The following TNFSF4 variants were observed in gnomAD, a reference collection of about 807,000 sequenced individuals.
TNFSF4 encodes TNF superfamily member 4, also known as tumor necrosis factor ligand superfamily member 4.
In TNFSF4, 4 loss-of-function variants were observed where a neutral mutation model predicts 7.3. The ratio of observed to expected loss-of-function variants is 0.55; its 90% confidence interval spans 0.27 to 1.25. The LOEUF is 1.25. Among genes scored for constraint, TNFSF4 ranks in the 50% most tolerant of loss-of-function variants. TNFSF4 has a pLI of 0.12. For synonymous variants in TNFSF4, 76 were observed against 83.7 expected (o/e 0.91, Z 0.50); for missense variants, 181 against 208.8 (o/e 0.87, Z 0.82).
the TNFSF4 span, among the ~76,000 whole-genome samples, chr1:173,391,880 A>G: frequency 6.6e-6 from 1 of 152,234 alleles, no homozygotes; most frequent in African/African-American, 2.4e-5. Flanking sequence ...AAAAATAAAA[A>G]GCAGGACCTT....
chr1:173,398,170 C>T, the TNFSF4 span, among the ~76,000 whole-genome samples: 1 of 152,166 alleles, frequency 6.6e-6, no homozygotes. Flanking sequence ...AGCCCTTTGT[C>T]ATACATAACT....
At chr1:173,195,689 G>A (rs1440117658) in intron 1 of TNFSF4, among the ~76,000 whole-genome samples, 5 of 152,196 alleles carry the variant, frequency 3.3e-5, no homozygotes, top group Admixed American at 6.5e-5. Context: ...ATTTGTCCTG[G>A]TGAAGGGTAT....
At chr1:173,391,555 T>C in the TNFSF4 span, among the ~76,000 whole-genome samples, 3 of 150,738 alleles carry the variant, frequency 2.0e-5, no homozygotes, top group Non-Finnish European at 4.4e-5. Context: ...TGACACTGAA[T>C]CCACTGTGAC....
the TNFSF4 span, among the ~76,000 whole-genome samples, chr1:173,442,559 T>TG: frequency 1.4e-5 from 2 of 144,296 alleles, no homozygotes; most frequent in Non-Finnish European, 3.1e-5. Flanking sequence ...TTGTTTTTTT[T>TG]TTTTTTTTGA....
the TNFSF4 span, among the ~76,000 whole-genome samples, chr1:173,277,725 C>T: frequency 1.3e-5 from 2 of 152,070 alleles, no homozygotes; most frequent in African/African-American, 4.8e-5. Flanking sequence ...ATGTATCAGG[C>T]ACATTGGGTG....
the TNFSF4 span, among the ~76,000 whole-genome samples, chr1:173,254,971 A>G: frequency 6.6e-6 from 1 of 152,202 alleles, no homozygotes; most frequent in African/African-American, 2.4e-5. Flanking sequence ...CACATTAAAG[A>G]CACCTTAGAA....
At chr1:173,421,572 T>C in the TNFSF4 span, among the ~76,000 whole-genome samples, 240 of 152,184 alleles carry the variant, frequency 1.6e-3, 1 homozygote, top group Non-Finnish European at 2.6e-3. Context: ...CTCAACTAAA[T>C]AGAAGAAAAG....
chr1:173,322,658 G>A, the TNFSF4 span, among the ~76,000 whole-genome samples: 89 of 152,194 alleles, frequency 5.8e-4, no homozygotes, highest in Non-Finnish European at 1.1e-3. Flanking sequence ...GGTGGCAGAC[G>A]GCACCTGGAA....
At chr1:173,439,101 TG>T in the TNFSF4 span, among the ~76,000 whole-genome samples, 3 of 152,252 alleles carry the variant, frequency 2.0e-5, no homozygotes, top group African/African-American at 4.8e-5. Context: ...AAGGTAGATC[TG>T]AGTTCTGCAG....
At chr1:173,365,482 T>C in the TNFSF4 span, among the ~76,000 whole-genome samples, 1 of 152,208 alleles carries the variant, frequency 6.6e-6, no homozygotes, top group Middle Eastern at 3.2e-3. Flanking sequence ...TCAAGTGTCT[T>C]TCATATATCA....
chr1:173,388,640 T>C, the TNFSF4 span, among the ~76,000 whole-genome samples: 2 of 152,222 alleles, frequency 1.3e-5, no homozygotes, highest in African/African-American at 2.4e-5. Flanking sequence ...TCTCTCCTAA[T>C]CCAGACATTA....
the TNFSF4 span, among the ~76,000 whole-genome samples, chr1:173,303,758 C>T: frequency 6.6e-6 from 1 of 151,860 alleles, no homozygotes; most frequent in Non-Finnish European, 1.5e-5. Flanking sequence ...TGTATGCATA[C>T]ATAACTAAAT....
the TNFSF4 span, among the ~76,000 whole-genome samples, chr1:173,313,863 G>A: frequency 6.6e-6 from 1 of 151,908 alleles, no homozygotes; most frequent in Non-Finnish European, 1.5e-5. Flanking sequence ...TTTGAATTTT[G>A]TGTTTAGAGC....
the TNFSF4 span, among the ~76,000 whole-genome samples, chr1:173,403,336 G>T: frequency 1.3e-5 from 2 of 152,268 alleles, no homozygotes; most frequent in Non-Finnish European, 2.9e-5. Flanking sequence ...CTGCTAGCCA[G>T]CAGAGACCAT....
the TNFSF4 span, among the ~76,000 whole-genome samples, chr1:173,423,899 A>C: frequency 6.6e-6 from 1 of 152,218 alleles, no homozygotes; most frequent in Non-Finnish European, 1.5e-5. Flanking sequence ...GAAATCCAAG[A>C]TCAAGGTGCC....
chr1:173,355,741 T>G, the TNFSF4 span, among the ~76,000 whole-genome samples: 2 of 152,186 alleles, frequency 1.3e-5, no homozygotes, highest in South Asian at 4.1e-4. Context: ...AACACATACT[T>G]GTTGAATCCC....
At chr1:173,430,183 C>G in the TNFSF4 span, among the ~76,000 whole-genome samples, 42 of 152,324 alleles carry the variant, frequency 2.8e-4, no homozygotes, top group Admixed American at 4.6e-4. Flanking sequence ...ATCTAATATC[C>G]AGGCAGCACT....
the TNFSF4 span, among the ~76,000 whole-genome samples, chr1:173,256,571 C>A: frequency 6.6e-6 from 1 of 152,110 alleles, no homozygotes; most frequent in East Asian, 1.9e-4. Flanking sequence ...ACAATTCGGT[C>A]CATAACAATG....
chr1:173,252,463 C>G, the TNFSF4 span, among the ~76,000 whole-genome samples: 6 of 152,038 alleles, frequency 3.9e-5, no homozygotes, highest in East Asian at 1.2e-3. Flanking sequence ...CCTTAAGGAG[C>G]CTTTCCACCA....
Sources: allele counts gnomAD v4.1 joint callset (sites outside exome capture counted in the v4.1 genomes callset), GRCh38; gene constraint gnomAD v4.1.1; transcripts MANE v1.5; gene names NCBI Gene and HGNC (gene_info 2026-07-23, HGNC 2026-07-21).